The following RIMBP2 variants were observed in gnomAD, a reference collection of about 807,000 sequenced individuals.
RIMBP2 encodes RIMS-binding protein 2.
Under a neutral mutation model 118.6 loss-of-function variants are expected in RIMBP2, and 48 were observed. That is an observed-to-expected ratio of 0.40 (90% CI 0.32 to 0.51). RIMBP2 has a LOEUF of 0.51. RIMBP2 is among the 20% of genes least tolerant of loss of function. The pLI, the probability that RIMBP2 is intolerant of heterozygous loss-of-function variation, is 0.41. For synonymous variants in RIMBP2, 762 were observed against 742.9 expected (o/e 1.03, Z -0.42); for missense variants, 1,551 against 1,768.3 (o/e 0.88, Z 2.20).
chr12:130,522,960 C>T (rs1041612082), intron 2 of RIMBP2, among the ~76,000 whole-genome samples: 3 of 151,844 alleles, frequency 2.0e-5, no homozygotes, highest in Non-Finnish European at 4.4e-5. Flanking sequence ...GCCTCTCTTT[C>T]CCCCTCTCTC....
intron 2 of RIMBP2, among the ~76,000 whole-genome samples, chr12:130,583,313 A>G (rs2058595896): frequency 1.3e-5 from 2 of 152,270 alleles, no homozygotes; most frequent in African/African-American, 4.8e-5. Context: ...AATGAAAGAA[A>G]ACTGCCTGAA....
chr12:130,644,894 A>G (rs1436673928), intron 1 of RIMBP2, among the ~76,000 whole-genome samples: 1 of 152,178 alleles, frequency 6.6e-6, no homozygotes, highest in Non-Finnish European at 1.5e-5. Context: ...GTTTCCCCAC[A>G]CAGGCCCCTT....
intron 4 of RIMBP2, among the ~76,000 whole-genome samples, chr12:130,480,681 GC>G (rs201881719): frequency 0.012 from 1,826 of 152,138 alleles, 47 homozygotes; most frequent in African/African-American, 0.042. Context: ...GCTCACTGCA[GC>G]CTCCACCTCC....
chr12:130,479,702 G>A (rs10848107), intron 4 of RIMBP2, among the ~76,000 whole-genome samples: 98,605 of 151,700 alleles, frequency 0.65, 35,008 homozygotes, highest in Admixed American at 0.79. Flanking sequence ...CTCAGACCCA[G>A]GAGTCCAAAT....
chr12:130,529,936 T>C (rs1003232048), intron 2 of RIMBP2, among the ~76,000 whole-genome samples: 2 of 152,200 alleles, frequency 1.3e-5, no homozygotes, highest in African/African-American at 4.8e-5. Flanking sequence ...TCGCCTGCTG[T>C]TCACCTCCTG....
intron 2 of RIMBP2, among the ~76,000 whole-genome samples, chr12:130,599,832 A>C (rs2059765891): frequency 6.6e-6 from 1 of 152,210 alleles, no homozygotes; most frequent in Non-Finnish European, 1.5e-5. Context: ...TGAAAGGAAA[A>C]TAATTCTTGG....
chr12:130,450,797 C>CCCT lies in RIMBP2; in HGVS notation c.504+395_504+397dup, dbSNP rs1296325590. 1.3e-5 allele frequency among the ~76,000 whole-genome samples: 2 copies of CCCT among 152,248 alleles called. No individual in the cohort carries two copies. Among genetic ancestry groups the CCCT allele is most frequent in the East Asian group, 3.9e-4 (2 of 5,150 alleles). On this transcript the variant is annotated intron_variant, in intron 8 of 22. Transcript: ENST00000690449. This position sits in a 1 kb window ranked among gnomAD's most constrained non-coding sequence, Gnocchi z 4.8. ...CCAAACGCTGTCCTCTGCCCCCGCC[C>CCCT]CCTCTCCAGCCACACCAGCCCCTTC... is the stretch of plus-strand genomic sequence containing the variant.
chr12:130,499,636 T>G (rs1042201783), intron 4 of RIMBP2, among the ~76,000 whole-genome samples: 4 of 152,162 alleles, frequency 2.6e-5, no homozygotes, highest in African/African-American at 9.7e-5. Flanking sequence ...GCATTCACCC[T>G]CTGCCCCAGG....
chr12:130,653,868 G>A (rs1259431953), intron 1 of RIMBP2, among the ~76,000 whole-genome samples: 1 of 152,248 alleles, frequency 6.6e-6, no homozygotes, highest in African/African-American at 2.4e-5. Context: ...GCTGAGGCTG[G>A]AGTCAGAGTG....
At chr12:130,402,322 C>A (rs2074689640) in intron 21 of RIMBP2, among the ~76,000 whole-genome samples, 1 of 152,092 alleles carries the variant, frequency 6.6e-6, no homozygotes, top group Admixed American at 6.6e-5. Flanking sequence ...TCAAGGGCAC[C>A]CATCACCTAG....
chr12:130,632,863 G>A lies in RIMBP2; in HGVS notation c.-351-4407C>T, dbSNP rs1374636162. ...TAATTAACAGAGCCATTTAGGCAGA[G>A]AGGAAAACAAAAACAATGATTCATT... On this transcript the variant is annotated intron_variant, in intron 1 of 22. Coordinates refer to ENST00000690449, the MANE Select transcript of RIMBP2 (RefSeq NM_001393629.1). Among the ~76,000 whole-genome samples, 4 of 152,178 alleles carry A rather than the reference G, an allele frequency of 2.6e-5. No homozygotes were observed. The South Asian group carries it at 8.3e-4, about 32-fold the overall frequency.
chr12:130,399,848 AT>A, intron 21 of RIMBP2, 35 bp from the exon 22 acceptor site: 1 of 1,611,138 alleles, frequency 6.2e-7, no homozygotes, highest in Non-Finnish European at 8.5e-7. Context: ...AGAACTATTT[AT>A]TTTTCTAGAA....
intron 2 of RIMBP2, among the ~76,000 whole-genome samples, chr12:130,597,487 T>C (rs539161158): frequency 2.6e-5 from 4 of 152,332 alleles, no homozygotes; most frequent in African/African-American, 9.6e-5. Flanking sequence ...ATGATCCGCC[T>C]GCCTCAGTCT....
At position 130,434,921 on chromosome 12, in the gene RIMBP2, C is replaced by T. The variant is rs1217533461; in HGVS notation, c.2107-41G>A. ...GAGGCACACGGGTGAGGCAGGGCCACCTTCAGCTACGCTCAGCCCCACCTG... is the reference window on the plus strand; with the variant it reads ...GAGGCACACGGGTGAGGCAGGGCCATCTTCAGCTACGCTCAGCCCCACCTG... On this transcript the variant is annotated intron_variant, in intron 13 of 22. Transcript: ENST00000690449. This position sits in a 1 kb window ranked among gnomAD's most constrained non-coding sequence, Gnocchi z 5.7. 3 of 1,567,824 alleles carry T rather than the reference C, an allele frequency of 1.9e-6. No homozygotes were observed. The highest frequency in any genetic ancestry group is 3.6e-5 in the Admixed American group (2 of 55,992).
intron 2 of RIMBP2, among the ~76,000 whole-genome samples, chr12:130,568,126 C>T (rs1254670984): frequency 5.3e-5 from 8 of 152,208 alleles, no homozygotes; most frequent in Non-Finnish European, 8.8e-5. Flanking sequence ...TTGTCAGCAA[C>T]AGAAACGGCC....
chr12:130,413,295 C>A (rs756397226), intron 18 of RIMBP2, among the ~76,000 whole-genome samples: 16 of 152,090 alleles, frequency 1.1e-4, no homozygotes, highest in Non-Finnish European at 2.1e-4. Flanking sequence ...TCCTACTGAA[C>A]AGCACACTTT....
At chr12:130,674,865 G>C (rs192166589) in intron 1 of RIMBP2, among the ~76,000 whole-genome samples, 1 of 151,890 alleles carries the variant, frequency 6.6e-6, no homozygotes, top group Non-Finnish European at 1.5e-5. Context: ...CCTGTAACAC[G>C]TGGCCTTCCG....
chr12:130,543,838 T>C (rs1486608282), intron 2 of RIMBP2, among the ~76,000 whole-genome samples: 1 of 152,214 alleles, frequency 6.6e-6, no homozygotes, highest in Non-Finnish European at 1.5e-5. Flanking sequence ...TTTTCCTTAC[T>C]GCCAATTTAA....
At chr12:130,512,801 C>T (rs573114982) in intron 3 of RIMBP2, among the ~76,000 whole-genome samples, 11 of 152,324 alleles carry the variant, frequency 7.2e-5, no homozygotes, top group South Asian at 6.2e-4. Flanking sequence ...GGAGCCCAGA[C>T]GATTCTTCCT....
Sources: allele counts gnomAD v4.1 joint callset (sites outside exome capture counted in the v4.1 genomes callset), GRCh38; gene constraint gnomAD v4.1.1; non-coding constraint Gnocchi (gnomAD v3.1); transcripts MANE v1.5; gene names NCBI Gene and HGNC (gene_info 2026-07-23, HGNC 2026-07-21).